Variants in KMT2C observed in about 807,000 individuals in gnomAD.
KMT2C encodes lysine methyltransferase 2C, also known as histone-lysine N-methyltransferase 2C.
Under a neutral mutation model 507.9 loss-of-function variants are expected in KMT2C, and 88 were observed. The observed-to-expected ratio is 0.17, with a 90% CI of 0.15 to 0.21. The LOEUF (loss-of-function observed/expected upper bound fraction) is 0.21, where lower values mean the gene tolerates loss of function less well. Ranked by LOEUF, KMT2C falls within the 10% of genes least tolerant of loss-of-function variation. The pLI is 1.00. For missense variants in KMT2C, 4,954 were observed against 5,957.8 expected, an observed-to-expected ratio of 0.83 and a Z score of 5.55; for synonymous variants, 2,049 against 2,080.8, an observed-to-expected ratio of 0.98 and a Z score of 0.42.
intron 3 of KMT2C, among the ~76,000 whole-genome samples, chr7:152,317,763 T>C (rs1299684739): frequency 6.6e-6 from 1 of 152,158 alleles, no homozygotes; most frequent in Non-Finnish European, 1.5e-5. Flanking sequence ...CCCAGTGCTT[T>C]GGGAGGTCAA....
intron 6 of KMT2C, among the ~76,000 whole-genome samples, chr7:152,306,488 T>G (rs888683135): frequency 1.3e-5 from 2 of 152,244 alleles, no homozygotes; most frequent in Non-Finnish European, 2.9e-5. Context: ...GCTATATGGA[T>G]GTAACACAGT....
At chr7:152,189,954 C>G (rs1182822677) in intron 31 of KMT2C, among the ~76,000 whole-genome samples, 1 of 152,182 alleles carries the variant, frequency 6.6e-6, no homozygotes, top group Non-Finnish European at 1.5e-5. Flanking sequence ...AGTAGGTGAA[C>G]AGCGGGCAAG....
intron 18 of KMT2C, among the ~76,000 whole-genome samples, chr7:152,226,764 C>A (rs1297567352): frequency 1.3e-5 from 2 of 152,004 alleles, no homozygotes; most frequent in African/African-American, 4.8e-5. Context: ...TGATCTGTTG[C>A]AACTTTATAA....
chr7:152,242,970 A>C (rs2095412036), intron 14 of KMT2C, among the ~76,000 whole-genome samples: 1 of 152,238 alleles, frequency 6.6e-6, no homozygotes, highest in African/African-American at 2.4e-5. Context: ...ATGAAGAGAG[A>C]GAGCCGAAAG....
rs776793326 is a variant in KMT2C, at chr7:152,148,625, C to A, written c.13302G>T (p.Leu4434=). The change falls in exon 52 of 59, where the codon CTG becomes CTT. Residue 4434 remains leucine (L), a synonymous_variant. Coordinates refer to ENST00000262189, the MANE Select transcript of KMT2C (RefSeq NM_170606.3). This position sits in a 1 kb window ranked among gnomAD's most constrained non-coding sequence, Gnocchi z 7.1. ...LDLWVHLNCA[L]WSTEVYETQA... ...GAGTCTCATAGACCTCCGTGGACCA[C>A]AGAGCGCAGTTCAAGTGGACCCACA... 1 of 1,614,224 alleles carries A rather than the reference C, an allele frequency of 6.2e-7. No homozygotes were observed. Among genetic ancestry groups the A allele is most frequent in the Non-Finnish European group, 8.5e-7 (1 of 1,180,040 alleles).
In KMT2C at chr7:152,178,015, TA is replaced by T. The variant is rs746018833; in HGVS notation, c.7443-6del. 156,336 of 806,614 alleles carry T rather than the reference TA, an allele frequency of 0.19. 1,629 individuals are homozygous for T. The highest frequency in any genetic ancestry group is 0.2 in the Non-Finnish European group (136,346 of 678,242). The allele number at this position is 806,614 out of a possible 1,614,324, so 50.0% of individuals were successfully genotyped here. A position where few individuals can be genotyped will look rare whatever the true frequency, so the allele number is the denominator to read the frequency against. ...CTACCTCCTGGAAATCCAAATCTTT[TA>T]AAAAAAAAAAAAAAAAAAAAAAAAA... On this transcript the variant is annotated splice_polypyrimidine_tract_variant and splice_region_variant and intron_variant, in intron 37 of 58. Transcript: ENST00000262189.
At chr7:152,264,123 A>G (rs2095824563) in intron 8 of KMT2C, among the ~76,000 whole-genome samples, 1 of 152,168 alleles carries the variant, frequency 6.6e-6, no homozygotes, top group Non-Finnish European at 1.5e-5. Context: ...CTGAGCGCAG[A>G]TATAAGGTAT....
In KMT2C at chr7:152,358,660, C is replaced by G. The variant is rs2097171638; in HGVS notation, c.177G>C (p.Gly59=). The change falls in exon 2 of 59, where the codon GGG becomes GGC. Residue 59 remains glycine (G), a synonymous_variant. Transcript: ENST00000262189. ...TGTCCTCATCTTCCACTGCAGTTTTCCCCCTACTTCGAGGTCTACAGAAAA... is the reference window on the plus strand; with the variant it reads ...TGTCCTCATCTTCCACTGCAGTTTTGCCCCTACTTCGAGGTCTACAGAAAA... ...QRARKKPRSR[G]KTAVEDEDSM... The G allele has an allele frequency of 3.7e-6, 6 of 1,606,720 alleles. No individual in the cohort carries two copies. Among genetic ancestry groups the G allele is most frequent in the Non-Finnish European group, 4.3e-6 (5 of 1,175,622 alleles).
Position 152,194,273 on chromosome 7 carries a change from TAAAA to T in KMT2C, c.4508-16_4508-13del. 2 of 1,141,252 alleles carry T rather than the reference TAAAA, an allele frequency of 1.8e-6. No homozygotes were observed. The highest frequency in any genetic ancestry group is 2.4e-6 in the Non-Finnish European group (2 of 833,348). The allele number at this position is 1,141,252 out of a possible 1,614,324, so 70.7% of individuals were successfully genotyped here. On this transcript the variant is annotated splice_polypyrimidine_tract_variant and intron_variant, in intron 29 of 58. Coordinates refer to ENST00000262189, the MANE Select transcript of KMT2C (RefSeq NM_170606.3). Reference sequence around the variant, plus strand: ...TCCAAGAATTGCTCCTAGAATAAATTAAAAAAAAAAAAGAAACATTAACAGCTAC... The same window carrying T: ...TCCAAGAATTGCTCCTAGAATAAATTAAAAAAAAGAAACATTAACAGCTAC...
chr7:152,225,884 T>TA (rs1240625711), intron 18 of KMT2C, among the ~76,000 whole-genome samples: 3 of 152,170 alleles, frequency 2.0e-5, no homozygotes, highest in Admixed American at 2.0e-4. Context: ...TTTCTTGTTA[T>TA]AAAAAACTCC....
intron 6 of KMT2C, among the ~76,000 whole-genome samples, chr7:152,297,057 G>GACAGACAGAAAGAA (rs756980169): frequency 4.4e-5 from 4 of 90,752 alleles, no homozygotes; most frequent in African/African-American, 1.9e-4. Flanking sequence ...AAGAAAGACA[G>GACAGACAGAAAGAA]AGAGAGAGAG....
At position 152,192,370 on chromosome 7, in the gene KMT2C, G is replaced by A. The variant is rs576874041; in HGVS notation, c.4660+1639C>T. Among the ~76,000 whole-genome samples the A allele has an allele frequency of 8.6e-5, 13 of 151,932 alleles. 1 individual carries two copies. The South Asian group carries it at 1.7e-3, about 20-fold the overall frequency. On this transcript the variant is annotated intron_variant, in intron 31 of 58. Transcript: ENST00000262189. ...AGCCTGACCAAGATGGTGAAACCCC[G>A]TCTCTACTAAAAATACAAAAAATTA...
intron 6 of KMT2C, among the ~76,000 whole-genome samples, chr7:152,278,498 A>C (rs2096132191): frequency 6.6e-6 from 1 of 152,256 alleles, no homozygotes; most frequent in Non-Finnish European, 1.5e-5. Flanking sequence ...CCAGCACCAC[A>C]CTTCCTGTAC....
chr7:152,209,348 G>A (rs970177664), intron 23 of KMT2C, among the ~76,000 whole-genome samples: 3 of 147,152 alleles, frequency 2.0e-5, no homozygotes, highest in Non-Finnish European at 3.0e-5. Flanking sequence ...TCCCAGCTAC[G>A]TGGGAGGCTG....
intron 6 of KMT2C, among the ~76,000 whole-genome samples, chr7:152,288,933 A>G (rs1161498675): frequency 6.6e-6 from 1 of 152,300 alleles, no homozygotes; most frequent in Non-Finnish European, 1.5e-5. Context: ...ATATCCAGCA[A>G]AAACATCCAT....
chr7:152,178,603 C>T (rs2093315282), intron 37 of KMT2C, among the ~76,000 whole-genome samples: 1 of 151,730 alleles, frequency 6.6e-6, no homozygotes, highest in African/African-American at 2.4e-5. Context: ...GGATTACAGG[C>T]AACTTACACA....
At chr7:152,340,192 T>C in intron 2 of KMT2C, among the ~76,000 whole-genome samples, 1 of 150,844 alleles carries the variant, frequency 6.6e-6, no homozygotes, top group East Asian at 1.9e-4. Context: ...TTAACTATGT[T>C]GCCCAGGCTG....
At position 152,235,207 on chromosome 7, in the gene KMT2C, G is replaced by GTATATATATATATATATATATATA. The variant is rs71533554; in HGVS notation, c.2769+609_2769+610insTATATATATATATATATATATATA. On this transcript the variant is annotated intron_variant, in intron 16 of 58. Coordinates refer to ENST00000262189, the MANE Select transcript of KMT2C (RefSeq NM_170606.3). ...TGATTGTGGTATCGTTTTCAAGGGT[G>GTATATATATATATATATATATATA]TATATATATATATATATCAAAGCTT... 3.7e-3 allele frequency among the ~76,000 whole-genome samples: 525 copies of GTATATATATATATATATATATATA among 142,224 alleles called. 6 individuals are homozygous for GTATATATATATATATATATATATA. The highest frequency in any genetic ancestry group is 0.013 in the East Asian group (56 of 4,368). 93.3% of individuals were successfully genotyped at this position (142,224 alleles called of 152,430 possible).
At chr7:152,290,658 GC>G (rs2096412629) in intron 6 of KMT2C, among the ~76,000 whole-genome samples, 1 of 151,950 alleles carries the variant, frequency 6.6e-6, no homozygotes, top group Non-Finnish European at 1.5e-5. Context: ...TGATGGGATT[GC>G]AGTCTTCAGA....
Sources: allele counts gnomAD v4.1 joint callset (sites outside exome capture counted in the v4.1 genomes callset), GRCh38; gene constraint gnomAD v4.1.1; non-coding constraint Gnocchi (gnomAD v3.1); transcripts MANE v1.5; gene names NCBI Gene and HGNC (gene_info 2026-07-23, HGNC 2026-07-21).